Variants in CCDC14 observed in about 807,000 individuals in gnomAD.
CCDC14 encodes coiled-coil domain-containing protein 14.
In CCDC14, 71 loss-of-function variants were observed where a neutral mutation model predicts 81.4. The ratio of observed to expected loss-of-function variants is 0.87; its 90% CI spans 0.72 to 1.06. The LOEUF is 1.06. CCDC14 is among the 50% of genes least tolerant of loss of function. CCDC14 has a pLI of 0.00. For missense variants in CCDC14, 1,046 were observed against 1,047.3 expected, an observed-to-expected ratio of 1.00 and a Z score of 0.02; for synonymous variants, 332 against 364.8, an observed-to-expected ratio of 0.91 and a Z score of 1.03.
At position 123,949,093 on chromosome 3, in the gene CCDC14, G is replaced by C; in HGVS notation, c.392C>G (p.Ser131Cys). The C allele has an allele frequency of 6.2e-7, 1 of 1,610,596 alleles. No individual in the cohort carries two copies. Among genetic ancestry groups the C allele is most frequent in the South Asian group, 1.1e-5 (1 of 90,484 alleles). Residue 131 changes from serine (S) to cysteine (C), a missense_variant, in exon 6 of 13, where the codon TCT becomes TGT. Physicochemically the swap from Ser to Cys is moderately radical, Grantham distance 112. Transcript: ENST00000409697. ...DNKKQIPNEA[S>C]ARSERDTSDL... ...TGATGTGTCTCTTTCACTTCTAGCA[G>C]AAGCTTCATTAGGTATCTGTTTCTT... is the stretch of plus-strand genomic sequence containing the variant.
intron 5 of CCDC14, among the ~76,000 whole-genome samples, chr3:123,903,782 C>CA (rs2034237568): frequency 1.1e-5 from 1 of 89,938 alleles, no homozygotes; most frequent in Non-Finnish European, 2.5e-5. Flanking sequence ...GTAGATCTGA[C>CA]AGACAAAATG....
rs541552974 is a variant in CCDC14 at position 123,914,389 on chromosome 3, A to C, written c.*390T>G. 2.9e-4 allele frequency: 281 copies of C among 985,866 alleles called. 1 individual carries two copies. In the African/African-American group the frequency reaches 3.5e-3, roughly 12 times the overall value. The allele number at this position is 985,866 out of a possible 1,614,324, so 61.1% of individuals were successfully genotyped here. On this transcript the variant is annotated 3_prime_UTR_variant, in exon 13 of 13. Coordinates refer to ENST00000409697, the MANE Select transcript of CCDC14 (RefSeq NM_001366335.1). ...AAGTATATGTAAACAGAAAAAAAAA[A>C]CCCTCTAGTTTCAACAGAAAAACTT...
chr3:123,948,838 A>G (rs896896135), intron 6 of CCDC14, 53 bp from the exon 7 acceptor site: 2 of 1,582,994 alleles, frequency 1.3e-6, no homozygotes, highest in Non-Finnish European at 1.7e-6. Flanking sequence ...TTTATACAGT[A>G]ACCAAGCAAT....
downstream of CCDC14, among the ~76,000 whole-genome samples, chr3:123,896,981 G>A (rs796456612): frequency 6.6e-6 from 1 of 152,040 alleles, no homozygotes; most frequent in Non-Finnish European, 1.5e-5. Flanking sequence ...TATCACTTTA[G>A]ATCAGCACCC....
chr3:123,909,474 T>A (rs2034393847), downstream of CCDC14, among the ~76,000 whole-genome samples: 1 of 152,188 alleles, frequency 6.6e-6, no homozygotes, highest in Non-Finnish European at 1.5e-5. Context: ...AAAACAAGTT[T>A]TAGTAATGAC....
chr3:123,940,372 C>A (rs761938568), intron 9 of CCDC14, among the ~76,000 whole-genome samples: 19 of 151,636 alleles, frequency 1.3e-4, no homozygotes, highest in Non-Finnish European at 2.9e-5. Flanking sequence ...AGTCTTTCTC[C>A]CTGTAAGAGA....
intron 9 of CCDC14, among the ~76,000 whole-genome samples, chr3:123,934,927 C>CA (rs1304016514): frequency 3.3e-5 from 5 of 152,108 alleles, no homozygotes; most frequent in Non-Finnish European, 7.4e-5. Context: ...GTCGGGAAGG[C>CA]ATTTCTAAGT....
chr3:123,899,936 G>A (rs947825117), intron 5 of CCDC14, among the ~76,000 whole-genome samples: 1 of 152,146 alleles, frequency 6.6e-6, no homozygotes, highest in Non-Finnish European at 1.5e-5. Context: ...CCTTATCTGT[G>A]AAACTGACCG....
Position 123,936,686 on chromosome 3 carries a change from A to G in CCDC14, c.1344-2931T>C, listed in dbSNP as rs1001873539. On this transcript the variant is annotated intron_variant, in intron 9 of 12. Coordinates refer to ENST00000409697, the MANE Select transcript of CCDC14 (RefSeq NM_001366335.1). ...CAACAGACACTGGGGTCTGGATGGTAGGAGGGAGGGGAAGGTGGTAGGAGG... is the reference window on the plus strand; with the variant it reads ...CAACAGACACTGGGGTCTGGATGGTGGGAGGGAGGGGAAGGTGGTAGGAGG... Among the ~76,000 whole-genome samples, 15 of 152,208 alleles carry G rather than the reference A, an allele frequency of 9.9e-5. No individual in the cohort carries two copies. In the East Asian group the frequency reaches 2.9e-3, roughly 29 times the overall value.
intron 5 of CCDC14, 92 bp from the exon 6 acceptor site, chr3:123,949,224 G>A: frequency 1.4e-6 from 1 of 717,150 alleles, no homozygotes; most frequent in South Asian, 1.8e-5. Context: ...CTCAGAAGTA[G>A]TCCAATCCAT....
intron 5 of CCDC14, among the ~76,000 whole-genome samples, chr3:123,905,142 G>A (rs2034279775): frequency 1.3e-5 from 2 of 152,066 alleles, no homozygotes; most frequent in Non-Finnish European, 2.9e-5. Context: ...AACCCACCAT[G>A]GTAATGTTAC....
chr3:123,928,590 G>T (rs1221694115), intron 12 of CCDC14, among the ~76,000 whole-genome samples: 1 of 151,986 alleles, frequency 6.6e-6, no homozygotes, highest in East Asian at 1.9e-4. Context: ...TTGTCAATGT[G>T]GATATTTAGC....
At chr3:123,891,196 C>A in the CCDC14 span, among the ~76,000 whole-genome samples, 4 of 152,204 alleles carry the variant, frequency 2.6e-5, no homozygotes, top group African/African-American at 7.2e-5. Context: ...TCCTCCTAGG[C>A]CTCCTGGCCT....
At chr3:123,950,785 C>A (rs2036962932) in intron 5 of CCDC14, among the ~76,000 whole-genome samples, 2 of 151,392 alleles carry the variant, frequency 1.3e-5, no homozygotes, top group Admixed American at 6.6e-5. Flanking sequence ...AGAAGTATTC[C>A]TTAATTTTTT....
At chr3:123,918,410 T>C (rs1180625877) in intron 12 of CCDC14, among the ~76,000 whole-genome samples, 1 of 152,086 alleles carries the variant, frequency 6.6e-6, no homozygotes, top group Non-Finnish European at 1.5e-5. Context: ...AGCAAGATGG[T>C]GGAATAAGAG....
chr3:123,898,397 G>A (rs998826132), intron 5 of CCDC14, among the ~76,000 whole-genome samples: 1 of 152,146 alleles, frequency 6.6e-6, no homozygotes, highest in Non-Finnish European at 1.5e-5. Flanking sequence ...TCAGTTCTCT[G>A]GCCCCTGGTA....
At chr3:123,891,751 C>T in the CCDC14 span, among the ~76,000 whole-genome samples, 1 of 152,260 alleles carries the variant, frequency 6.6e-6, no homozygotes, top group East Asian at 1.9e-4. Flanking sequence ...ACTGTTCCAA[C>T]CTCTGCCTGT....
At position 123,917,368 on chromosome 3, in the gene CCDC14, G is replaced by A. The variant is rs530674217; in HGVS notation, c.1779-1650C>T. ...AAATTAGCTGGGCATGGTGATGTGCGCCTGTGATCCCAGCTGCTCGGCAGG... is the reference window on the plus strand; with the variant it reads ...AAATTAGCTGGGCATGGTGATGTGCACCTGTGATCCCAGCTGCTCGGCAGG... On this transcript the variant is annotated intron_variant, in intron 12 of 12. Transcript: ENST00000409697. Among the ~76,000 whole-genome samples the A allele has an allele frequency of 2.9e-4, 44 of 151,330 alleles. 1 individual carries two copies. The South Asian group carries it at 5.8e-3, about 20-fold the overall frequency.
intron 5 of CCDC14, among the ~76,000 whole-genome samples, chr3:123,898,790 C>A (rs570892791): frequency 5.9e-5 from 9 of 152,068 alleles, no homozygotes; most frequent in Admixed American, 5.9e-4. Flanking sequence ...TGGGTTCAAG[C>A]GATTCTCATG....
Sources: allele counts gnomAD v4.1 joint callset (sites outside exome capture counted in the v4.1 genomes callset), GRCh38; gene constraint gnomAD v4.1.1; transcripts MANE v1.5; gene names NCBI Gene and HGNC (gene_info 2026-07-23, HGNC 2026-07-21).